The following DNAJC17 variants were observed in gnomAD, a reference collection of about 807,000 sequenced individuals.
DNAJC17 encodes the protein DnaJ heat shock protein family (Hsp40) member C17.
DNAJC17 carries 35 observed loss-of-function variants against 48.1 expected under a neutral mutation model. That is an observed-to-expected ratio of 0.73 (90% CI 0.56 to 0.96). DNAJC17 has a LOEUF of 0.96. Ranked by LOEUF, DNAJC17 falls within the 50% of genes least tolerant of loss-of-function variation. The pLI is 0.00. For missense variants in DNAJC17, 355 were observed against 377.1 expected, an observed-to-expected ratio of 0.94 and a Z score of 0.48; for synonymous variants, 117 against 142.7, an observed-to-expected ratio of 0.82 and a Z score of 1.28.
chr15:40,796,890 G>C (rs186102689), intron 1 of DNAJC17, among the ~76,000 whole-genome samples: 1 of 152,308 alleles, frequency 6.6e-6, no homozygotes, highest in Non-Finnish European at 1.5e-5. Context: ...GAGTAAAGTA[G>C]CTGGGACTAC....
At chr15:40,771,209 C>T in intron 10 of DNAJC17, 1 of 638,702 alleles carries the variant, frequency 1.6e-6, no homozygotes, top group East Asian at 2.8e-5. Context: ...CTGGACAGTC[C>T]TTCCAGGCAC....
In DNAJC17 at chr15:40,770,409, C is replaced by T; in HGVS notation, c.793-2347G>A. On this transcript the variant is annotated intron_variant, in intron 10 of 10. Transcript: ENST00000220496. The surrounding 1 kb of genome is among the most constrained non-coding windows in gnomAD (Gnocchi z 5.0). ...AGGCCTCTGCTCCTAGGGGAGCCTCCCCAGCTGCTGGCACTCACTGCCCCA... is the reference window on the plus strand; with the variant it reads ...AGGCCTCTGCTCCTAGGGGAGCCTCTCCAGCTGCTGGCACTCACTGCCCCA... The T allele has an allele frequency of 7.3e-7, 1 of 1,365,434 alleles. No individual in the cohort carries two copies. The highest frequency in any genetic ancestry group is 9.8e-7 in the Non-Finnish European group (1 of 1,020,302). The allele number at this position is 1,365,434 out of a possible 1,614,324, so 84.6% of individuals were successfully genotyped here.
In DNAJC17 at chr15:40,774,977, G is replaced by A. The variant is rs181432491; in HGVS notation, c.600+54C>T. ...CATTGAGAGCAGAGACCTAGGGTGT[G>A]GACTGAGACGTGGACTGAGATGATA... On this transcript the variant is annotated intron_variant, in intron 8 of 10. Coordinates refer to ENST00000220496, the MANE Select transcript of DNAJC17 (RefSeq NM_018163.3). The A allele has an allele frequency of 7.3e-3, 11,611 of 1,580,332 alleles. 71 individuals carry two copies. The highest frequency in any genetic ancestry group is 9.0e-3 in the Non-Finnish European group (10,389 of 1,149,678).
intron 8 of DNAJC17, 100 bp downstream of exon 8, chr15:40,774,931 A>G (rs1301167118): frequency 2.4e-6 from 3 of 1,233,516 alleles, no homozygotes; most frequent in Admixed American, 1.9e-5. Flanking sequence ...AAGCAAGTAG[A>G]TATGTTAAGG....
chr15:40,798,338 TG>T (rs1190331705), intron 1 of DNAJC17, among the ~76,000 whole-genome samples: 1 of 151,986 alleles, frequency 6.6e-6, no homozygotes, highest in Admixed American at 6.6e-5. Flanking sequence ...TCACAGGAGC[TG>T]GGGGGAGGAG....
At chr15:40,801,463 T>C (rs1389044380) in intron 1 of DNAJC17, among the ~76,000 whole-genome samples, 1 of 151,670 alleles carries the variant, frequency 6.6e-6, no homozygotes, top group Non-Finnish European at 1.5e-5. Context: ...AGCTAAGAAA[T>C]TGTTGAGTAT....
rs189161699 is a variant in DNAJC17 at position 40,804,739 on chromosome 15, C to T, written c.78+2630G>A. 1.7e-3 allele frequency among the ~76,000 whole-genome samples: 261 copies of T among 152,318 alleles called. 3 individuals are homozygous for T. Among genetic ancestry groups the T allele is most frequent in the African/African-American group, 6.0e-3 (250 of 41,586 alleles). On this transcript the variant is annotated intron_variant, in intron 1 of 10. Coordinates refer to ENST00000220496, the MANE Select transcript of DNAJC17 (RefSeq NM_018163.3). The stretch of plus-strand genomic sequence containing the variant: ...GATTTCAGCCGGGCGCGGTGGCTCA[C>T]GCCTGTAATCCCAGCACTTTGGGAG...
At chr15:40,804,740 G>A (rs998742321) in intron 1 of DNAJC17, among the ~76,000 whole-genome samples, 6 of 152,170 alleles carry the variant, frequency 3.9e-5, no homozygotes, top group East Asian at 1.9e-4. Flanking sequence ...GGTGGCTCAC[G>A]CCTGTAATCC....
intron 1 of DNAJC17, among the ~76,000 whole-genome samples, chr15:40,785,762 A>G (rs16971008): frequency 0.033 from 4,972 of 152,144 alleles, 269 homozygotes; most frequent in African/African-American, 0.11. Flanking sequence ...CTAAAATTCA[A>G]TCCTGGGTTC....
chr15:40,776,696 G>T, intron 4 of DNAJC17, 69 bp from the exon 5 acceptor site: 1 of 1,518,542 alleles, frequency 6.6e-7, no homozygotes, highest in Non-Finnish European at 9.1e-7. Context: ...GCCCACCCCA[G>T]CTCTGGCTGC....
intron 7 of DNAJC17, chr15:40,775,351 C>T: frequency 5.4e-6 from 4 of 740,310 alleles, no homozygotes; most frequent in Non-Finnish European, 9.1e-6. Flanking sequence ...AATCCTCTGC[C>T]CTGTGATCAG....
intron 1 of DNAJC17, 94 bp from the exon 2 acceptor site, chr15:40,780,091 A>G (rs1316365920): frequency 8.1e-7 from 1 of 1,241,792 alleles, no homozygotes; most frequent in South Asian, 1.3e-5. Context: ...TCCCATGCAC[A>G]CCTAAAAGAG....
At chr15:40,804,130 CTT>C (rs138636860) in intron 1 of DNAJC17, among the ~76,000 whole-genome samples, 5 of 146,978 alleles carry the variant, frequency 3.4e-5, no homozygotes, top group African/African-American at 1.3e-4. Context: ...CCCTGCCCAG[CTT>C]TTTTTTTTAT....
chr15:40,774,507 G>A (rs1596076271), intron 8 of DNAJC17, 71 bp from the exon 9 acceptor site: 2 of 1,560,754 alleles, frequency 1.3e-6, no homozygotes, highest in Non-Finnish European at 8.8e-7. Flanking sequence ...CCAGAGACAA[G>A]CCTGGGCTAC....
Position 40,772,096 on chromosome 15 carries a change from C to T in DNAJC17, c.792+1631G>A, listed in dbSNP as rs901321347. 1.8e-4 allele frequency: 30 copies of T among 167,084 alleles called. 1 individual carries two copies. The highest frequency in any genetic ancestry group is 1.0e-4 in the Non-Finnish European group (7 of 68,138). 10.4% of individuals were successfully genotyped at this position (167,084 alleles called of 1,614,324 possible). A position where few individuals can be genotyped will look rare whatever the true frequency, so the allele number is the denominator to read the frequency against. ...ACTGGATCCAGGGATGGGCATTCAA[C>T]AGCGAAGCGGCACAGCTGGTTTCCA... is the stretch of plus-strand genomic sequence containing the variant. On this transcript the variant is annotated intron_variant, in intron 10 of 10. Transcript: ENST00000220496.
intron 1 of DNAJC17, among the ~76,000 whole-genome samples, chr15:40,782,461 A>C (rs1279640590): frequency 6.6e-6 from 1 of 152,094 alleles, no homozygotes; most frequent in Non-Finnish European, 1.5e-5. Context: ...TTCTTACATA[A>C]GTAAAAATAA....
chr15:40,794,075 G>A (rs950844764), intron 1 of DNAJC17, among the ~76,000 whole-genome samples: 2 of 152,178 alleles, frequency 1.3e-5, no homozygotes, highest in Non-Finnish European at 2.9e-5. Context: ...ATTAAAGATA[G>A]TTATAAAAAC....
At chr15:40,792,626 G>A in intron 1 of DNAJC17, 1 of 529,814 alleles carries the variant, frequency 1.9e-6, no homozygotes, top group Non-Finnish European at 2.4e-6. Flanking sequence ...ACCAGCCTGG[G>A]CAACATAGGG....
rs887228117 is a variant in DNAJC17, at chr15:40,765,266, G to C, written c.*2674C>G. ...TTGTTTCTTTAGTGTACTCAGAGTT[G>C]TGCAACCATCACCATAATCAGTTTT... On this transcript the variant is annotated 3_prime_UTR_variant, in exon 11 of 11. Coordinates refer to ENST00000220496, the MANE Select transcript of DNAJC17 (RefSeq NM_018163.3). 8.5e-5 allele frequency: 13 copies of C among 152,148 alleles called. No homozygotes were observed. Among genetic ancestry groups the C allele is most frequent in the African/African-American group, 2.9e-4 (12 of 41,400 alleles). 9.4% of individuals were successfully genotyped at this position (152,148 alleles called of 1,614,324 possible).
Sources: allele counts gnomAD v4.1 joint callset (sites outside exome capture counted in the v4.1 genomes callset), GRCh38; gene constraint gnomAD v4.1.1; non-coding constraint Gnocchi (gnomAD v3.1); transcripts MANE v1.5; gene names NCBI Gene and HGNC (gene_info 2026-07-23, HGNC 2026-07-21).